The following PTPRD variants were observed in gnomAD, a reference collection of about 807,000 sequenced individuals.
The protein encoded by PTPRD is protein tyrosine phosphatase receptor type D.
Under a neutral mutation model 214.5 loss-of-function variants are expected in PTPRD, and 34 were observed. The observed-to-expected ratio is 0.16, with a 90% CI of 0.12 to 0.21. PTPRD has a LOEUF of 0.21. Among genes scored for constraint, PTPRD ranks in the 10% least tolerant of loss-of-function variants. The pLI, the probability that PTPRD is intolerant of heterozygous loss-of-function variation, is 1.00. For synonymous variants in PTPRD, 1,128 were observed against 845.7 expected, an observed-to-expected ratio of 1.33 and a Z score of -5.79; for missense variants, 2,545 against 2,398.7, an observed-to-expected ratio of 1.06 and a Z score of -1.27.
At chr9:8,986,055 G>A (rs1490775070) in intron 11 of PTPRD, among the ~76,000 whole-genome samples, 2 of 151,954 alleles carry the variant, frequency 1.3e-5, no homozygotes, top group Non-Finnish European at 2.9e-5. Context: ...TGAGTCTGTT[G>A]GAAAAAGCTT....
chr9:10,004,485 T>C (rs995551143), intron 4 of PTPRD, among the ~76,000 whole-genome samples: 1 of 151,930 alleles, frequency 6.6e-6, no homozygotes, highest in South Asian at 2.1e-4. Context: ...CACATAAAAA[T>C]ATGCAATCAT....
At chr9:10,097,616 T>C in intron 3 of PTPRD, among the ~76,000 whole-genome samples, 1 of 151,688 alleles carries the variant, frequency 6.6e-6, no homozygotes, top group Non-Finnish European at 1.5e-5. Context: ...TGAAGTTGCT[T>C]ATCAGCTTAA....
chr9:8,616,618 A>T (rs2095619760), intron 14 of PTPRD, among the ~76,000 whole-genome samples: 1 of 152,108 alleles, frequency 6.6e-6, no homozygotes, highest in Non-Finnish European at 1.5e-5. Context: ...ACTATTTCTT[A>T]TCAAAAAAAG....
chr9:9,150,752 G>A (rs1257106320), intron 10 of PTPRD, among the ~76,000 whole-genome samples: 8 of 152,068 alleles, frequency 5.3e-5, no homozygotes, highest in African/African-American at 2.4e-5. Context: ...GGGATTACAG[G>A]CATGAGCCAA....
intron 2 of PTPRD, among the ~76,000 whole-genome samples, chr9:10,514,012 ATGTGTAAGCTTTGT>A (rs1305080160): frequency 6.6e-6 from 1 of 152,200 alleles, no homozygotes; most frequent in Non-Finnish European, 1.5e-5. Context: ...CTGTTCCCTT[ATGTGTAAGCTTTGT>A]AGATCAGTAT....
At chr9:10,467,482 T>C (rs1588856858) in intron 2 of PTPRD, among the ~76,000 whole-genome samples, 1 of 152,130 alleles carries the variant, frequency 6.6e-6, no homozygotes, top group East Asian at 1.9e-4. Context: ...AAACTCAAAA[T>C]GAATAACAGA....
intron 9 of PTPRD, among the ~76,000 whole-genome samples, chr9:9,242,638 A>T (rs1031220145): frequency 9.2e-5 from 14 of 152,154 alleles, no homozygotes; most frequent in Non-Finnish European, 2.1e-4. Flanking sequence ...CGAATCAGCT[A>T]CTGAAGCTTG....
chr9:9,555,190 T>A (rs117728508), intron 8 of PTPRD, among the ~76,000 whole-genome samples: 2,526 of 152,196 alleles, frequency 0.017, 40 homozygotes, highest in Admixed American at 0.026. Context: ...TTTTACATAA[T>A]ATTTGACGTA....
intron 6 of PTPRD, among the ~76,000 whole-genome samples, chr9:9,748,071 G>C (rs2098476231): frequency 6.6e-6 from 1 of 152,104 alleles, no homozygotes; most frequent in African/African-American, 2.4e-5. Context: ...CTCAGCAAGG[G>C]TGGTCCAAGC....
At chr9:9,255,823 A>T (rs10977619) in intron 9 of PTPRD, among the ~76,000 whole-genome samples, 56,197 of 151,914 alleles carry the variant, frequency 0.37, 10,772 homozygotes, top group African/African-American at 0.45. Context: ...TGTATACTTC[A>T]TACCCAGAAT....
intron 9 of PTPRD, among the ~76,000 whole-genome samples, chr9:9,208,205 G>A (rs1180180045): frequency 2.6e-5 from 4 of 151,174 alleles, no homozygotes; most frequent in African/African-American, 9.7e-5. Context: ...TAGTCGAGAC[G>A]GGGTTTCACC....
intron 3 of PTPRD, among the ~76,000 whole-genome samples, chr9:10,323,795 A>G (rs2154429718): frequency 1.3e-5 from 2 of 152,160 alleles, no homozygotes; most frequent in Middle Eastern, 6.8e-3. Flanking sequence ...ATATATTAAT[A>G]AGTGTATTAT....
intron 39 of PTPRD, among the ~76,000 whole-genome samples, chr9:8,347,090 A>G (rs4740938): frequency 0.49 from 74,983 of 151,844 alleles, 21,381 homozygotes; most frequent in Non-Finnish European, 0.65. Flanking sequence ...CCCTGCGGAT[A>G]GAGGGGGACT....
At chr9:9,702,768 A>G (rs998184826) in intron 7 of PTPRD, among the ~76,000 whole-genome samples, 4 of 152,166 alleles carry the variant, frequency 2.6e-5, no homozygotes, top group African/African-American at 9.7e-5. Context: ...AGCAGTAAAG[A>G]TAATGGTTAT....
At chr9:8,384,909 G>T (rs938478353) in intron 37 of PTPRD, among the ~76,000 whole-genome samples, 2 of 152,148 alleles carry the variant, frequency 1.3e-5, no homozygotes, top group African/African-American at 4.8e-5. Context: ...GTTGATAGCT[G>T]AATGTATACA....
rs528993327 is a variant in PTPRD at position 9,596,967 on chromosome 9, AG to A, written c.-286-22187del. ...GATTATTCTGCCCCAAAGAAACTGA[AG>A]GGATCAGAGAAAGAGAATGCCTCCA... On this transcript the variant is annotated intron_variant, in intron 7 of 45. Transcript: ENST00000381196. 3.2e-3 allele frequency among the ~76,000 whole-genome samples: 484 copies of A among 152,196 alleles called. 4 individuals are homozygous for A. The highest frequency in any genetic ancestry group is 0.011 in the African/African-American group (456 of 41,560).
intron 3 of PTPRD, among the ~76,000 whole-genome samples, chr9:10,085,616 G>C (rs1258915864): frequency 6.6e-6 from 1 of 151,414 alleles, no homozygotes; most frequent in East Asian, 2.0e-4. Flanking sequence ...GAAGAAAAGT[G>C]AGAGACTCAG....
At chr9:10,284,773 C>A (rs1157535209) in intron 3 of PTPRD, among the ~76,000 whole-genome samples, 1 of 147,972 alleles carries the variant, frequency 6.8e-6, no homozygotes, top group Non-Finnish European at 1.5e-5. Context: ...TTCTGCAAGG[C>A]CAGGAGGAGA....
chr9:9,927,050 A>G (rs896931198), intron 5 of PTPRD, among the ~76,000 whole-genome samples: 2 of 152,116 alleles, frequency 1.3e-5, no homozygotes, highest in African/African-American at 4.8e-5. Context: ...GCCTTAGGAG[A>G]TTAATTTTGC....
Sources: gnomAD v4.1 joint callset for allele counts (sites outside exome capture counted in the v4.1 genomes callset) on GRCh38, gnomAD v4.1.1 for gene constraint, MANE v1.5 for transcripts, NCBI Gene and HGNC (gene_info 2026-07-23, HGNC 2026-07-21) for gene names.